Variants in BRD10 observed in about 807,000 individuals in gnomAD.
The protein encoded by BRD10 is bromodomain containing 10.
the BRD10 span, among the ~76,000 whole-genome samples, chr9:5,996,306 GGTTTT>G: frequency 1.3e-3 from 41 of 31,780 alleles, no homozygotes; most frequent in Non-Finnish European, 5.7e-4. Flanking sequence ...CATGTAACTT[GGTTTT>G]TTTTTTTGTT....
chr9:5,902,388 T>C, the BRD10 span, among the ~76,000 whole-genome samples: 2 of 152,232 alleles, frequency 1.3e-5, no homozygotes, highest in African/African-American at 4.8e-5. Flanking sequence ...TAAAGGCTTA[T>C]CAATTTTATT....
At chr9:5,969,249 A>G in the BRD10 span, 1,100,172 of 1,613,186 alleles carry the variant, frequency 0.68, 383,015 homozygotes, top group Non-Finnish European at 0.73. Context: ...CAACGTTCCA[A>G]TTCGTAAAAG....
the BRD10 span, among the ~76,000 whole-genome samples, chr9:5,983,944 T>A: frequency 3.5e-5 from 4 of 113,436 alleles, no homozygotes; most frequent in African/African-American, 7.0e-5. Flanking sequence ...CAATACAGAG[T>A]CATATATGTA....
At chr9:5,985,039 T>C in the BRD10 span, among the ~76,000 whole-genome samples, 5 of 151,910 alleles carry the variant, frequency 3.3e-5, no homozygotes, top group South Asian at 4.1e-4. Flanking sequence ...CAAATCAATA[T>C]AGTGCTAACA....
At chr9:5,926,511 T>C in the BRD10 span, among the ~76,000 whole-genome samples, 1 of 152,066 alleles carries the variant, frequency 6.6e-6, no homozygotes, top group Non-Finnish European at 1.5e-5. Flanking sequence ...TTGCACCATA[T>C]TGCCCAGGCT....
the BRD10 span, among the ~76,000 whole-genome samples, chr9:5,996,857 T>C: frequency 6.6e-6 from 1 of 152,290 alleles, no homozygotes; most frequent in Admixed American, 6.5e-5. Context: ...TCAGGAGTTC[T>C]CAATGCAGGC....
chr9:5,954,556 G>C, the BRD10 span, among the ~76,000 whole-genome samples: 3 of 152,148 alleles, frequency 2.0e-5, no homozygotes, highest in Non-Finnish European at 4.4e-5. Flanking sequence ...AGTAGCTTAG[G>C]TAACAAAGTT....
At chr9:6,000,296 T>C in the BRD10 span, among the ~76,000 whole-genome samples, 1 of 152,156 alleles carries the variant, frequency 6.6e-6, no homozygotes, top group Non-Finnish European at 1.5e-5. Flanking sequence ...CTTATTAGCC[T>C]TTCCCAATTA....
At chr9:5,898,703 G>C in the BRD10 span, among the ~76,000 whole-genome samples, 1 of 152,220 alleles carries the variant, frequency 6.6e-6, no homozygotes, top group South Asian at 2.1e-4. Context: ...AATTCTTGCT[G>C]GTTCTGTTAC....
At chr9:5,884,521 A>C in the BRD10 span, among the ~76,000 whole-genome samples, 6 of 152,040 alleles carry the variant, frequency 3.9e-5, no homozygotes, top group Non-Finnish European at 8.8e-5. Flanking sequence ...TCCTCACCCG[A>C]AGTTATGGTT....
At chr9:5,996,913 T>C in the BRD10 span, among the ~76,000 whole-genome samples, 1 of 152,196 alleles carries the variant, frequency 6.6e-6, no homozygotes, top group Admixed American at 6.5e-5. Flanking sequence ...TGTCTCAATA[T>C]GCTAATGTTC....
chr9:5,936,476 G>C, the BRD10 span, among the ~76,000 whole-genome samples: 28 of 152,244 alleles, frequency 1.8e-4, no homozygotes, highest in African/African-American at 6.7e-4. Context: ...TAAAGAACTG[G>C]TTTCCCATAA....
At chr9:5,953,764 G>A in the BRD10 span, among the ~76,000 whole-genome samples, 14 of 151,666 alleles carry the variant, frequency 9.2e-5, no homozygotes, top group African/African-American at 2.9e-4. Flanking sequence ...TCTAGGAAAT[G>A]TACTAGTAGA....
the BRD10 span, among the ~76,000 whole-genome samples, chr9:5,935,709 T>C: frequency 6.6e-6 from 1 of 152,146 alleles, no homozygotes; most frequent in Non-Finnish European, 1.5e-5. Flanking sequence ...GCATAAAAAG[T>C]TCCAAGTAAG....
At chr9:5,953,996 G>A in the BRD10 span, 1 of 1,477,418 alleles carries the variant, frequency 6.8e-7, no homozygotes, top group Non-Finnish European at 9.3e-7. Flanking sequence ...AAAATTTCGA[G>A]ACAAAGTTGA....
chr9:5,989,336 A>C, the BRD10 span, among the ~76,000 whole-genome samples: 1 of 148,036 alleles, frequency 6.8e-6, no homozygotes, highest in African/African-American at 2.5e-5. Flanking sequence ...TGGGAGGCTA[A>C]GGTGGGAGGA....
chr9:5,945,333 C>T, the BRD10 span, among the ~76,000 whole-genome samples: 1 of 152,084 alleles, frequency 6.6e-6, no homozygotes, highest in East Asian at 1.9e-4. Flanking sequence ...CTTCATCAGG[C>T]AGTCTCCCAG....
chr9:5,970,316 A>G, the BRD10 span, among the ~76,000 whole-genome samples: 1 of 152,218 alleles, frequency 6.6e-6, no homozygotes, highest in African/African-American at 2.4e-5. Context: ...GTCAGAATAC[A>G]ACACAGTACT....
chr9:5,922,225 T>C, the BRD10 span: 25 of 1,613,846 alleles, frequency 1.5e-5, no homozygotes, highest in Admixed American at 3.3e-5. Context: ...CAGCAGTCTG[T>C]TGTGCAAAAC....
Sources: allele counts gnomAD v4.1 joint callset (sites outside exome capture counted in the v4.1 genomes callset), GRCh38; gene constraint gnomAD v4.1.1; transcripts MANE v1.5; gene names NCBI Gene and HGNC (gene_info 2026-07-23, HGNC 2026-07-21).